The following USP24 variants were observed in gnomAD, a reference collection of about 807,000 sequenced individuals.
USP24 encodes ubiquitin carboxyl-terminal hydrolase 24.
USP24 carries 97 observed loss-of-function variants against 361.6 expected under a neutral mutation model. The observed-to-expected ratio is 0.27, with a 90% CI of 0.23 to 0.32. USP24 has a LOEUF of 0.32. USP24 is among the 10% of genes least tolerant of loss of function. The probability of loss-of-function intolerance (pLI) is 1.00; values close to 1 mark genes in which losing one functional copy is unlikely to be tolerated. For missense variants in USP24, 2,353 were observed against 3,165.6 expected (o/e 0.74, Z 6.16); for synonymous variants, 1,098 against 1,124.6 (o/e 0.98, Z 0.47).
At position 55,175,319 on chromosome 1, in the gene USP24, C is replaced by T. The variant is rs1048832681; in HGVS notation, c.558+1057G>A. On this transcript the variant is annotated intron_variant, in intron 3 of 67. Transcript: ENST00000294383. ...TTGGCTCACTGCAACCTCCACCTCC[C>T]GGGTTCAACAGATTCTCCTGCCTCA... Among the ~76,000 whole-genome samples the T allele has an allele frequency of 4.1e-5, 6 of 147,004 alleles. No homozygotes were observed. In the East Asian group the frequency reaches 6.1e-4, roughly 15 times the overall value.
At position 55,067,316 on chromosome 1, in the gene USP24, C is replaced by T. The variant is rs1482287373; in HGVS notation, c.*1729G>A. 2 of 152,156 alleles carry T rather than the reference C, an allele frequency of 1.3e-5. No individual in the cohort carries two copies. Among genetic ancestry groups the T allele is most frequent in the African/African-American group, 4.8e-5 (2 of 41,426 alleles). 9.4% of individuals were successfully genotyped at this position (152,156 alleles called of 1,614,324 possible). ...GAAACAGTAGGACAGGAAGTATTCA[C>T]GTACTCAAAACCAATGGTAGAACAT... is the stretch of plus-strand genomic sequence containing the variant. On this transcript the variant is annotated 3_prime_UTR_variant, in exon 68 of 68. Transcript: ENST00000294383.
intron 1 of USP24, among the ~76,000 whole-genome samples, chr1:55,209,457 A>C (rs1316813503): frequency 1.3e-5 from 2 of 152,172 alleles, no homozygotes; most frequent in African/African-American, 4.8e-5. Context: ...GATTTGGTTG[A>C]GTCGGCTTTT....
chr1:55,189,545 A>AGAC (rs1300535532), intron 1 of USP24, among the ~76,000 whole-genome samples: 1 of 152,228 alleles, frequency 6.6e-6, no homozygotes, highest in African/African-American at 2.4e-5. Flanking sequence ...CACAGAAAGT[A>AGAC]GACTGGTGGT....
intron 27 of USP24, 44 bp downstream of exon 27, chr1:55,137,762 A>G: frequency 6.5e-7 from 1 of 1,544,392 alleles, no homozygotes; most frequent in Non-Finnish European, 8.7e-7. Flanking sequence ...AAATATTTAT[A>G]TTATATCATT....
chr1:55,198,082 A>G (rs954254076), intron 1 of USP24, among the ~76,000 whole-genome samples: 1 of 152,190 alleles, frequency 6.6e-6, no homozygotes, highest in Non-Finnish European at 1.5e-5. Context: ...TTCTGCACAA[A>G]TTTTTACTAC....
chr1:55,179,705 T>TA (rs1301837951), intron 1 of USP24, among the ~76,000 whole-genome samples: 1 of 151,924 alleles, frequency 6.6e-6, no homozygotes, highest in African/African-American at 2.4e-5. Context: ...CCTCATACAT[T>TA]TCTCTCCAAT....
Position 55,215,271 on chromosome 1 carries a change from C to G in USP24, c.-158G>C, listed in dbSNP as rs1442706185. Among the ~76,000 whole-genome samples the G allele has an allele frequency of 6.6e-6, 1 of 151,660 alleles. No individual in the cohort carries two copies. Among genetic ancestry groups the G allele is most frequent in the African/African-American group, 2.4e-5 (1 of 41,354 alleles). On this transcript the variant is annotated 5_prime_UTR_variant, in exon 1 of 68. Coordinates refer to ENST00000294383, the MANE Select transcript of USP24 (RefSeq NM_015306.3). ...CGCAGCAGCCGGGCCAGGCTGGGTGCGGGCTTGGGTCCTGCGAGCCGAGCT... is the reference window on the plus strand; with the variant it reads ...CGCAGCAGCCGGGCCAGGCTGGGTGGGGGCTTGGGTCCTGCGAGCCGAGCT...
At chr1:55,211,134 A>G (rs1056427739) in intron 1 of USP24, among the ~76,000 whole-genome samples, 2 of 152,230 alleles carry the variant, frequency 1.3e-5, no homozygotes, top group African/African-American at 4.8e-5. Flanking sequence ...GAACAGAACC[A>G]ATTGGTACGC....
intron 38 of USP24, among the ~76,000 whole-genome samples, chr1:55,119,987 C>T (rs950732639): frequency 6.6e-6 from 1 of 152,080 alleles, no homozygotes; most frequent in Admixed American, 6.6e-5. Flanking sequence ...TTTATAAGCC[C>T]CACAGTAGGG....
In USP24 at chr1:55,157,061, G is replaced by A. The variant is rs1344873116; in HGVS notation, c.1343-10C>T. The A allele has an allele frequency of 6.2e-7, 1 of 1,604,078 alleles. No homozygotes were observed. Among genetic ancestry groups the A allele is most frequent in the African/African-American group, 1.3e-5 (1 of 74,602 alleles). On this transcript the variant is annotated splice_polypyrimidine_tract_variant and intron_variant, in intron 11 of 67. Coordinates refer to ENST00000294383, the MANE Select transcript of USP24 (RefSeq NM_015306.3). ...GCTTGGTCTATGTTGCCTAATTGAA[G>A]AAACATGAGAGAGAAAGTCAGATAT... is the stretch of plus-strand genomic sequence containing the variant.
At chr1:55,214,685 A>C in intron 1 of USP24, 105 bp downstream of exon 1, 1 of 958,654 alleles carries the variant, frequency 1.0e-6, no homozygotes, top group Non-Finnish European at 1.3e-6. Context: ...CTAAAGCCCC[A>C]GTCGAATGCC....
intron 62 of USP24, 130 bp from the exon 63 acceptor site, chr1:55,075,653 A>C (rs1645011357): frequency 5.9e-6 from 3 of 504,780 alleles, no homozygotes; most frequent in African/African-American, 5.7e-5. Flanking sequence ...AACAACAACA[A>C]CAACAACAAC....
In USP24 at chr1:55,125,719, T is replaced by G. The variant is rs1301593938; in HGVS notation, c.3675A>C (p.Ser1225=). ...VNVMQRDSIP[S]EVDYETRQGV... is the part of the protein sequence containing the mutation. Reference sequence around the variant, plus strand: ...CCTGCCTTGTTTCATAGTCTACTTCTGATGGGATGGAGTCTCTCTGCATGA... The same window carrying G: ...CCTGCCTTGTTTCATAGTCTACTTCGGATGGGATGGAGTCTCTCTGCATGA... Residue 1225 remains serine, a synonymous_variant, in exon 33 of 68, where the codon TCA becomes TCC. Transcript: ENST00000294383. 1 of 1,595,784 alleles carries G rather than the reference T, an allele frequency of 6.3e-7. No homozygotes were observed. Among genetic ancestry groups the G allele is most frequent in the Non-Finnish European group, 8.5e-7 (1 of 1,170,246 alleles).
chr1:55,109,311 T>C (rs1315709816), intron 39 of USP24, among the ~76,000 whole-genome samples: 1 of 152,208 alleles, frequency 6.6e-6, no homozygotes, highest in East Asian at 1.9e-4. Flanking sequence ...ACGAAACTGA[T>C]GAAAGCATCT....
chr1:55,094,096 T>C lies in USP24; in HGVS notation c.6204-9A>G, dbSNP rs183245356. On this transcript the variant is annotated splice_polypyrimidine_tract_variant and intron_variant, in intron 51 of 67. Coordinates refer to ENST00000294383, the MANE Select transcript of USP24 (RefSeq NM_015306.3). ...GTGAAGATGGAGCTGACCTAAGAGA[T>C]AGAATCAGAAAACTCTGTCTAGTAT... The C allele has an allele frequency of 1.3e-4, 211 of 1,609,068 alleles. 1 individual carries two copies. The East Asian group carries it at 3.7e-3, about 29-fold the overall frequency.
chr1:55,152,694 A>G (rs1647249789), intron 16 of USP24, among the ~76,000 whole-genome samples: 1 of 152,214 alleles, frequency 6.6e-6, no homozygotes, highest in African/African-American at 2.4e-5. Context: ...TATTGAGTTA[A>G]AAGAAAAATT....
chr1:55,125,874 G>A lies in USP24; in HGVS notation c.3636-116C>T, dbSNP rs74073036. ...AATTACTTAGTTTCTACATGATTCTGTCATAAAAAGAGCCTACATATATCT... is the reference window on the plus strand; with the variant it reads ...AATTACTTAGTTTCTACATGATTCTATCATAAAAAGAGCCTACATATATCT... On this transcript the variant is annotated intron_variant, in intron 32 of 67. Coordinates refer to ENST00000294383, the MANE Select transcript of USP24 (RefSeq NM_015306.3). The A allele has an allele frequency of 9.7e-3, 8,039 of 830,022 alleles. 426 individuals are homozygous for A. The African/African-American group carries it at 0.12, about 13-fold the overall frequency. The allele number at this position is 830,022 out of a possible 1,614,324, so 51.4% of individuals were successfully genotyped here.
At chr1:55,115,723 T>C (rs1646094920) in intron 38 of USP24, among the ~76,000 whole-genome samples, 1 of 152,240 alleles carries the variant, frequency 6.6e-6, no homozygotes, top group South Asian at 2.1e-4. Context: ...CATGGGTATG[T>C]TTATTGTGGC....
chr1:55,087,466 T>G (rs956777256), intron 55 of USP24, among the ~76,000 whole-genome samples: 3 of 152,232 alleles, frequency 2.0e-5, no homozygotes, highest in Admixed American at 6.5e-5. Context: ...TCCAAATGGA[T>G]GATCTTTCTA....
Sources: allele counts gnomAD v4.1 joint callset (sites outside exome capture counted in the v4.1 genomes callset), GRCh38; gene constraint gnomAD v4.1.1; transcripts MANE v1.5; gene names NCBI Gene and HGNC (gene_info 2026-07-23, HGNC 2026-07-21).